The following HSPA1L variants were observed in gnomAD, a reference collection of about 807,000 sequenced individuals.
HSPA1L encodes heat shock protein family A (Hsp70) member 1 like.
In HSPA1L, 21 loss-of-function variants were observed where a neutral mutation model predicts 31.5. That is an observed-to-expected ratio of 0.67 (90% CI 0.47 to 0.96). HSPA1L has a LOEUF of 0.96. Ranked by LOEUF, HSPA1L falls within the 40% of genes least tolerant of loss-of-function variation. HSPA1L has a pLI of 0.00. For synonymous variants in HSPA1L, 293 were observed against 323.1 expected (o/e 0.91, Z 1.00); for missense variants, 709 against 813.4 (o/e 0.87, Z 1.56).
chr6:31,810,912 T>C lies in HSPA1L; in HGVS notation c.1061A>G (p.Asp354Gly), dbSNP rs1259619117. ...RIPKVQRLLQ[D>G]YFNGRDLNKS... is the part of the protein sequence containing the mutation. The stretch of plus-strand genomic sequence containing the variant: ...GTTGAGATCACGTCCATTGAAGTAG[T>C]CCTGAAGCAGCCGCTGCACCTTGGG... The change falls in exon 2 of 2, where the codon GAC becomes GGC. Residue 354 changes from aspartate to glycine, a missense_variant. Coordinates refer to ENST00000375654, the MANE Select transcript of HSPA1L (RefSeq NM_005527.4). 6.2e-7 allele frequency: 1 copy of C among 1,614,150 alleles called. No homozygotes were observed. Among genetic ancestry groups the C allele is most frequent in the Admixed American group, 1.7e-5 (1 of 59,998 alleles).
At chr6:31,812,051 C>T in intron 1 of HSPA1L, 66 bp from the exon 2 acceptor site, 3 of 1,512,860 alleles carry the variant, frequency 2.0e-6, no homozygotes, top group Non-Finnish European at 2.7e-6. Context: ...TTTTTTGAGA[C>T]AGGGTCTTCC....
Position 31,810,460 on chromosome 6 carries a change from T to C in HSPA1L, c.1513A>G (p.Ile505Val), listed in dbSNP as rs200301187. Residue 505 changes from isoleucine (I) to valine (V), a missense_variant, in exon 2 of 2, where the codon ATC becomes GTC. By Grantham distance (29) the Ile-to-Val change is conservative. Coordinates refer to ENST00000375654, the MANE Select transcript of HSPA1L (RefSeq NM_005527.4). ...KSTGKVNKIT[I>V]TNDKGRLSKE... is the part of the protein sequence containing the mutation. ...CTCAGGCGGCCCTTGTCATTGGTGA[T>C]GGTGATCTTGTTCACCTTGCCGGTG... 7 of 1,613,998 alleles carry C rather than the reference T, an allele frequency of 4.3e-6. No individual in the cohort carries two copies. In the East Asian group the frequency reaches 1.3e-4, roughly 31 times the overall value.
In HSPA1L at chr6:31,809,872, A is replaced by T. The variant is rs1815287814; in HGVS notation, c.*175T>A. ...CCTAGTTTTCCTGAGTCCATTCCAAAGTCAGAAACAGGATGTGAGGGAGTG... is the reference window on the plus strand; with the variant it reads ...CCTAGTTTTCCTGAGTCCATTCCAATGTCAGAAACAGGATGTGAGGGAGTG... On this transcript the variant is annotated 3_prime_UTR_variant, in exon 2 of 2. Coordinates refer to ENST00000375654, the MANE Select transcript of HSPA1L (RefSeq NM_005527.4). 2 of 458,386 alleles carry T rather than the reference A, an allele frequency of 4.4e-6. No individual in the cohort carries two copies. Among genetic ancestry groups the T allele is most frequent in the Non-Finnish European group, 7.3e-6 (2 of 272,752 alleles). The allele number at this position is 458,386 out of a possible 1,614,324, so 28.4% of individuals were successfully genotyped here.
Position 31,811,752 on chromosome 6 carries a change from C to G in HSPA1L, c.221G>C (p.Arg74Pro). 1 of 1,614,178 alleles carries G rather than the reference C, an allele frequency of 6.2e-7. No individual in the cohort carries two copies. The highest frequency in any genetic ancestry group is 1.1e-5 in the South Asian group (1 of 91,084). The stretch of plus-strand genomic sequence containing the variant: ...ATCATTAAATTTCCTGCCGATCAGA[C>G]GTTTAGCATCAAAAACAGTGTTCTG... The part of the protein sequence containing the change: ...NPQNTVFDAK[R>P]LIGRKFNDPV... The change falls in exon 2 of 2, where the codon CGT (arginine) becomes CCT (proline). Residue 74 changes from arginine (R) to proline (P), a missense_variant. Transcript: ENST00000375654.
rs1211282132 is a variant in HSPA1L, at chr6:31,811,756, T to G, written c.217A>C (p.Lys73Gln). The G allele has an allele frequency of 3.1e-6, 5 of 1,614,182 alleles. No homozygotes were observed. The South Asian group carries it at 5.5e-5, about 18-fold the overall frequency. Residue 73 changes from lysine to glutamine, a missense_variant, in exon 2 of 2, where the codon AAA becomes CAA. Lys to Gln is a moderately conservative substitution (Grantham distance 53, BLOSUM62 1). Transcript: ENST00000375654. ...TTAAATTTCCTGCCGATCAGACGTT[T>G]AGCATCAAAAACAGTGTTCTGGGGA... is the stretch of plus-strand genomic sequence containing the variant. ...MNPQNTVFDA[K>Q]RLIGRKFNDP...
At position 31,810,922 on chromosome 6, in the gene HSPA1L, GC is replaced by G; in HGVS notation, c.1050del (p.Leu351CysfsTer21). 1 of 1,614,162 alleles carries G rather than the reference GC, an allele frequency of 6.2e-7. No individual in the cohort carries two copies. The highest frequency in any genetic ancestry group is 2.2e-5 in the East Asian group (1 of 44,888). On this transcript the variant is annotated frameshift_variant, in exon 2 of 2. Coordinates refer to ENST00000375654, the MANE Select transcript of HSPA1L (RefSeq NM_005527.4). LOFTEE classifies it high-confidence loss of function. Reference protein sequence around the residue: ...GGSTRIPKVQRLLQDYFNGRD... With the variant: ...GGSTRIPKVQXLLQDYFNGRD... ...CGTCCATTGAAGTAGTCCTGAAGCA[GC>G]CGCTGCACCTTGGGGATGCGGGTGG...
At chr6:31,814,091 T>A (rs1027791480) in intron 1 of HSPA1L, among the ~76,000 whole-genome samples, 2 of 152,200 alleles carry the variant, frequency 1.3e-5, no homozygotes, top group Non-Finnish European at 2.9e-5. Context: ...AACTCCTGTT[T>A]TCTGGAGCCA....
chr6:31,812,695 G>A (rs1815514303), intron 1 of HSPA1L, among the ~76,000 whole-genome samples: 1 of 152,098 alleles, frequency 6.6e-6, no homozygotes. Context: ...GTAGAGTTTG[G>A]TAGTGAGTTC....
Position 31,814,947 on chromosome 6 carries a change from A to C in HSPA1L, c.-72T>G. Reference sequence around the variant, plus strand: ...ACGTCCAGATTACGCAGCCCCAGCGAGTAGGTGGGGGCTCCCTCAATATCA... The same window carrying C: ...ACGTCCAGATTACGCAGCCCCAGCGCGTAGGTGGGGGCTCCCTCAATATCA... On this transcript the variant is annotated 5_prime_UTR_variant, in exon 1 of 2. Transcript: ENST00000375654. The C allele has an allele frequency of 1.0e-6, 1 of 985,696 alleles. No homozygotes were observed. Among genetic ancestry groups the C allele is most frequent in the Non-Finnish European group, 1.2e-6 (1 of 830,190 alleles). The allele number at this position is 985,696 out of a possible 1,614,324, so 61.1% of individuals were successfully genotyped here.
chr6:31,813,645 G>A (rs1815601936), intron 1 of HSPA1L, among the ~76,000 whole-genome samples: 1 of 152,176 alleles, frequency 6.6e-6, no homozygotes, highest in Admixed American at 6.6e-5. Context: ...GATGGATACA[G>A]ATTACAGAAT....
chr6:31,811,198 T>C lies in HSPA1L; in HGVS notation c.775A>G (p.Lys259Glu). Residue 259 changes from lysine to glutamate, a missense_variant, in exon 2 of 2, where the codon AAG becomes GAG. Lys to Glu is a moderately conservative substitution (Grantham distance 56). Transcript: ENST00000375654. ...GTGCGCAGCCGCCTCACGGCTCGCTTGTTCTGGCTGATGTCCTTTTTGTGT... is the reference window on the plus strand; with the variant it reads ...GTGCGCAGCCGCCTCACGGCTCGCTCGTTCTGGCTGATGTCCTTTTTGTGT... ...RKHKKDISQN[K>E]RAVRRLRTAC... 1 of 1,614,200 alleles carries C rather than the reference T, an allele frequency of 6.2e-7. No homozygotes were observed. The highest frequency in any genetic ancestry group is 8.5e-7 in the Non-Finnish European group (1 of 1,180,038).
intron 1 of HSPA1L, among the ~76,000 whole-genome samples, chr6:31,813,082 C>G (rs1307253586): frequency 6.6e-6 from 1 of 152,162 alleles, no homozygotes. Flanking sequence ...CTCCAAGTCA[C>G]CAAGTGTTAG....
At chr6:31,814,470 C>T (rs1815705937) in intron 1 of HSPA1L, among the ~76,000 whole-genome samples, 2 of 147,146 alleles carry the variant, frequency 1.4e-5, no homozygotes, top group Non-Finnish European at 3.0e-5. Context: ...GATCGTGCCA[C>T]TGCACTCCAC....
Position 31,810,936 on chromosome 6 carries a change from G to A in HSPA1L, c.1037C>T (p.Pro346Leu), listed in dbSNP as rs1384450016. 4 of 1,614,098 alleles carry A rather than the reference G, an allele frequency of 2.5e-6. No homozygotes were observed. In the East Asian group the frequency reaches 6.7e-5, roughly 27 times the overall value. The change falls in exon 2 of 2, where the codon CCC becomes CTC. Residue 346 changes from proline (P) to leucine (L), a missense_variant. Transcript: ENST00000375654. Reference sequence around the variant, plus strand: ...GTCCTGAAGCAGCCGCTGCACCTTGGGGATGCGGGTGGAGCCCCCTACTAA... The same window carrying A: ...GTCCTGAAGCAGCCGCTGCACCTTGAGGATGCGGGTGGAGCCCCCTACTAA... ...IVLVGGSTRI[P>L]KVQRLLQDYF...
Position 31,811,460 on chromosome 6 carries a change from CA to C in HSPA1L, c.512del (p.Val171GlyfsTer2). 6.2e-7 allele frequency: 1 copy of C among 1,614,194 alleles called. No homozygotes were observed. Among genetic ancestry groups the C allele is most frequent in the Non-Finnish European group, 8.5e-7 (1 of 1,180,040 alleles). On this transcript the variant is annotated frameshift_variant, in exon 2 of 2. Coordinates refer to ENST00000375654, the MANE Select transcript of HSPA1L (RefSeq NM_005527.4). LOFTEE classifies it high-confidence loss of function. ...KDAGVIAGLN[V>X]LRIINEPTAA... ...CCGTGGGCTCATTGATGATTCTTAG[CA>C]CATTAAGTCCAGCAATCACACCTGC...
rs1383466447 is a variant in HSPA1L, at chr6:31,811,073, GGTGATGGAT to G, written c.891_899del (p.Ser298_Thr300del). On this transcript the variant is annotated inframe_deletion, in exon 2 of 2. Transcript: ENST00000375654. ...CACACAACTCTTCAAATCGAGCTCTGGTGATGGATGTATAGAAGTCAATGCCTTCATAAA... is the reference window on the plus strand; with the variant it reads ...CACACAACTCTTCAAATCGAGCTCTGGTATAGAAGTCAATGCCTTCATAAA... 1 of 1,614,198 alleles carries G rather than the reference GGTGATGGAT, an allele frequency of 6.2e-7. No homozygotes were observed. Among genetic ancestry groups the G allele is most frequent in the Non-Finnish European group, 8.5e-7 (1 of 1,180,042 alleles).
In HSPA1L at chr6:31,815,137, T is replaced by G; in HGVS notation, c.-262A>C. 2.2e-6 allele frequency: 1 copy of G among 457,234 alleles called. No homozygotes were observed. The highest frequency in any genetic ancestry group is 2.9e-6 in the Non-Finnish European group (1 of 345,498). 28.3% of individuals were successfully genotyped at this position (457,234 alleles called of 1,614,324 possible). ...CAACACAAACGCCCCCACCCTCCCCTGGACGCGCGTAACCCGCTCCCCGCA... is the reference window on the plus strand; with the variant it reads ...CAACACAAACGCCCCCACCCTCCCCGGGACGCGCGTAACCCGCTCCCCGCA... On this transcript the variant is annotated 5_prime_UTR_variant, in exon 1 of 2. Transcript: ENST00000375654.
At chr6:31,812,603 G>A (rs1815507935) in intron 1 of HSPA1L, among the ~76,000 whole-genome samples, 2 of 152,186 alleles carry the variant, frequency 1.3e-5, no homozygotes, top group African/African-American at 4.8e-5. Flanking sequence ...GATTACAGGA[G>A]TGAACATCTC....
rs1158559661 is a variant in HSPA1L at position 31,811,684 on chromosome 6, T to C, written c.289A>G (p.Ile97Val). The change falls in exon 2 of 2, where the codon ATT (isoleucine) becomes GTT (valine). Residue 97 changes from isoleucine (I) to valine (V), a missense_variant. By Grantham distance (29) the Ile-to-Val change is conservative. Transcript: ENST00000375654. Reference sequence around the variant, plus strand: ...ACTTTGGGCTTGCCTCCTTCATTAATCACTTGAAAAGGCCAAAGTTTCATA... The same window carrying C: ...ACTTTGGGCTTGCCTCCTTCATTAACCACTTGAAAAGGCCAAAGTTTCATA... ...ADMKLWPFQV[I>V]NEGGKPKVLV... 6.2e-7 allele frequency: 1 copy of C among 1,614,208 alleles called. No individual in the cohort carries two copies. The highest frequency in any genetic ancestry group is 2.2e-5 in the East Asian group (1 of 44,886).
Sources: allele counts gnomAD v4.1 joint callset (sites outside exome capture counted in the v4.1 genomes callset), GRCh38; gene constraint gnomAD v4.1.1; transcripts MANE v1.5; gene names NCBI Gene and HGNC (gene_info 2026-07-23, HGNC 2026-07-21).